The following LRRC42 variants were observed in gnomAD, a reference collection of about 807,000 sequenced individuals.
The protein encoded by LRRC42 is leucine rich repeat containing 42.
A neutral mutation model predicts 44.3 loss-of-function variants in LRRC42; 43 were observed. The ratio of observed to expected loss-of-function variants is 0.97; its 90% CI spans 0.76 to 1.25. The LOEUF (loss-of-function observed/expected upper bound fraction) is 1.25, where lower values mean the gene tolerates loss of function less well. LRRC42 is among the 50% of genes most tolerant of loss of function. The pLI is 0.00. For missense variants in LRRC42, 540 were observed against 509.1 expected (o/e 1.06, Z -0.58); for synonymous variants, 207 against 195.2 (o/e 1.06, Z -0.50).
At chr1:53,960,301 C>G in intron 4 of LRRC42, 55 bp from the exon 5 acceptor site, 1 of 1,188,058 alleles carries the variant, frequency 8.4e-7, no homozygotes, top group South Asian at 1.3e-5. Flanking sequence ...GTTTTTATAC[C>G]TAGATTGTCT....
rs758343591 is a variant in LRRC42 at position 53,967,726 on chromosome 1, C to T, written c.1074C>T (p.Asn358=). 1.9e-6 allele frequency: 3 copies of T among 1,614,194 alleles called. No individual in the cohort carries two copies. Among genetic ancestry groups the T allele is most frequent in the Middle Eastern group, 1.6e-4 (1 of 6,062 alleles). ...LKCPLADTHM[N]SSEKLQFYKE... The stretch of plus-strand genomic sequence containing the variant: ...GTCCCCTGGCAGACACCCACATGAA[C>T]TCTTCCGAGAAACTCCAGTTCTATA... Residue 358 remains asparagine (N), a synonymous_variant, in exon 9 of 9, where the codon AAC becomes AAT. Coordinates refer to ENST00000371370, the MANE Select transcript of LRRC42 (RefSeq NM_001256409.2).
At chr1:53,954,535 A>G (rs1197786027) in intron 3 of LRRC42, among the ~76,000 whole-genome samples, 2 of 152,226 alleles carry the variant, frequency 1.3e-5, no homozygotes, top group Admixed American at 6.5e-5. Context: ...AATACATGCT[A>G]TTTGGGGAAT....
At chr1:53,955,214 T>C (rs1654803097) in intron 3 of LRRC42, among the ~76,000 whole-genome samples, 1 of 152,182 alleles carries the variant, frequency 6.6e-6, no homozygotes, top group Non-Finnish European at 1.5e-5. Context: ...CTATATTTTC[T>C]TAATTTTTTT....
chr1:53,959,550 T>C (rs565659574), intron 4 of LRRC42, among the ~76,000 whole-genome samples: 1 of 152,346 alleles, frequency 6.6e-6, no homozygotes. Context: ...AGATTTCTTA[T>C]GTGAAAACGG....
Position 53,967,792 on chromosome 1 carries a change from C to T in LRRC42, c.1140C>T (p.His380=), listed in dbSNP as rs145151431. Residue 380 remains histidine (H), a synonymous_variant, in exon 9 of 9, where the codon CAC becomes CAT. Coordinates refer to ENST00000371370, the MANE Select transcript of LRRC42 (RefSeq NM_001256409.2). ...APDCHGPVLK[H]EAISSQESKK... is the part of the protein sequence containing the mutation. ...ATTGCCATGGGCCAGTGTTGAAACA[C>T]GAAGCTATCTCAAGCCAGGAGTCAA... 578 of 1,614,146 alleles carry T rather than the reference C, an allele frequency of 3.6e-4. No homozygotes were observed. Among genetic ancestry groups the T allele is most frequent in the Non-Finnish European group, 4.6e-4 (543 of 1,180,022 alleles).
At chr1:53,956,673 A>G (rs1000499240) in intron 3 of LRRC42, among the ~76,000 whole-genome samples, 1 of 152,220 alleles carries the variant, frequency 6.6e-6, no homozygotes, top group Non-Finnish European at 1.5e-5. Flanking sequence ...AGCTTTGATT[A>G]TGTCCTAGAT....
At chr1:53,960,604 T>A in intron 5 of LRRC42, 130 bp downstream of exon 5, 1 of 684,352 alleles carries the variant, frequency 1.5e-6, no homozygotes, top group East Asian at 2.8e-5. Context: ...AGAAACTTGG[T>A]GGCAGAACAG....
chr1:53,960,517 A>G (rs773561345), intron 5 of LRRC42, 43 bp downstream of exon 5: 3 of 1,391,264 alleles, frequency 2.2e-6, no homozygotes, highest in Non-Finnish European at 1.0e-6. Flanking sequence ...ATGTTGGAAG[A>G]ATGGCCTTAG....
rs1553162421 is a variant in LRRC42 at position 53,962,401 on chromosome 1, G to C, written c.919G>C (p.Ala307Pro). ...DHSNCKTEGW[A>P]DQIVLQWERV... ...TAGTAACTGCAAGACAGAGGGCTGGGCTGACCAGGTACTCCAGATTTTTCT... is the reference window on the plus strand; with the variant it reads ...TAGTAACTGCAAGACAGAGGGCTGGCCTGACCAGGTACTCCAGATTTTTCT... Residue 307 changes from alanine to proline, a missense_variant, in exon 7 of 9, where the codon GCT (alanine) becomes CCT (proline). Ala to Pro is a conservative substitution (Grantham distance 27). Transcript: ENST00000371370. 1.2e-6 allele frequency: 2 copies of C among 1,608,526 alleles called. No individual in the cohort carries two copies. The highest frequency in any genetic ancestry group is 8.5e-7 in the Non-Finnish European group (1 of 1,174,962).
chr1:53,953,358 A>AT lies in LRRC42; in HGVS notation c.473+895dup, dbSNP rs974799201. Among the ~76,000 whole-genome samples, 46 of 151,722 alleles carry AT rather than the reference A, an allele frequency of 3.0e-4. No individual in the cohort carries two copies. In the East Asian group the frequency reaches 4.3e-3, roughly 14 times the overall value. On this transcript the variant is annotated intron_variant, in intron 3 of 8. Transcript: ENST00000371370. ...AATCATTTATCATCAATACTTGTAG[A>AT]TTTTTTTTTGTTTTTTTTGAGACAG...
intron 5 of LRRC42, among the ~76,000 whole-genome samples, chr1:53,960,880 A>G (rs547059300): frequency 6.6e-6 from 1 of 152,334 alleles, no homozygotes; most frequent in South Asian, 2.1e-4. Context: ...TAATTTACTC[A>G]GATTAACCAG....
intron 7 of LRRC42, among the ~76,000 whole-genome samples, chr1:53,965,484 C>CTT (rs1191040913): frequency 2.1e-5 from 3 of 140,554 alleles, no homozygotes; most frequent in Admixed American, 7.1e-5. Flanking sequence ...TTTTTCTTTT[C>CTT]TTTTTTTTTT....
In LRRC42 at chr1:53,964,995, A is replaced by ATTTTTTTTTTT. The variant is rs1557649612; in HGVS notation, c.928-1299_928-1298insTTTTTTTTTTT. On this transcript the variant is annotated intron_variant, in intron 7 of 8. Coordinates refer to ENST00000371370, the MANE Select transcript of LRRC42 (RefSeq NM_001256409.2). ...GCCACTGTGCCTGGCCTGGAACTGT[A>ATTTTTTTTTTT]TTGTTTTTTTTTGTTTTTTTTTTTT... 9.3e-4 allele frequency among the ~76,000 whole-genome samples: 128 copies of ATTTTTTTTTTT among 137,660 alleles called. 1 individual carries two copies. The highest frequency in any genetic ancestry group is 3.8e-3 in the African/African-American group (125 of 32,754). 90.3% of individuals were successfully genotyped at this position (137,660 alleles called of 152,430 possible).
intron 3 of LRRC42, among the ~76,000 whole-genome samples, chr1:53,954,476 G>A (rs923682946): frequency 1.3e-5 from 2 of 152,134 alleles, no homozygotes; most frequent in Admixed American, 6.6e-5. Context: ...AGAAAAGTTA[G>A]AACAATGGCA....
rs1655020951 is a variant in LRRC42, at chr1:53,962,375, A to G, written c.893A>G (p.His298Arg). ...AAAGTGCCTTTGAAGGAATTTGATC[A>G]TAGTAACTGCAAGACAGAGGGCTGG... ...HSKVPLKEFD[H>R]SNCKTEGWAD... is the part of the protein sequence containing the mutation. Residue 298 changes from histidine to arginine, a missense_variant, in exon 7 of 9, where the codon CAT becomes CGT. Coordinates refer to ENST00000371370, the MANE Select transcript of LRRC42 (RefSeq NM_001256409.2). The G allele has an allele frequency of 6.2e-7, 1 of 1,613,986 alleles. No individual in the cohort carries two copies. Among genetic ancestry groups the G allele is most frequent in the Non-Finnish European group, 8.5e-7 (1 of 1,179,790 alleles).
In LRRC42 at chr1:53,967,827, A is replaced by G; in HGVS notation, c.1175A>G (p.Lys392Arg). ...TCAAGCCAGGAGTCAAAGAAGAGCAAGAAGAGACCTTTTGAGGAGTCAGAG... is the reference window on the plus strand; with the variant it reads ...TCAAGCCAGGAGTCAAAGAAGAGCAGGAAGAGACCTTTTGAGGAGTCAGAG... ...AISSQESKKS[K>R]KRPFEESETE... The change falls in exon 9 of 9, where the codon AAG becomes AGG. Residue 392 changes from lysine to arginine, a missense_variant. Lys to Arg is a conservative substitution (Grantham distance 26, BLOSUM62 2). Coordinates refer to ENST00000371370, the MANE Select transcript of LRRC42 (RefSeq NM_001256409.2). 1 of 1,614,238 alleles carries G rather than the reference A, an allele frequency of 6.2e-7. No homozygotes were observed. Among genetic ancestry groups the G allele is most frequent in the Non-Finnish European group, 8.5e-7 (1 of 1,180,044 alleles).
At chr1:53,963,386 C>T (rs1206854421) in intron 7 of LRRC42, among the ~76,000 whole-genome samples, 2 of 152,158 alleles carry the variant, frequency 1.3e-5, no homozygotes, top group Non-Finnish European at 2.9e-5. Context: ...AGGCTTGCTG[C>T]AGTTTGGTAG....
chr1:53,960,537 A>G, intron 5 of LRRC42, 63 bp downstream of exon 5: 2 of 1,174,752 alleles, frequency 1.7e-6, no homozygotes, highest in Non-Finnish European at 2.5e-6. Flanking sequence ...GAGATCATGT[A>G]GTTCTTCCTC....
intron 3 of LRRC42, among the ~76,000 whole-genome samples, chr1:53,957,195 A>C (rs1387399241): frequency 1.3e-5 from 2 of 152,042 alleles, no homozygotes; most frequent in Non-Finnish European, 2.9e-5. Context: ...AGAGGTATGT[A>C]CTCTTTTAGG....
Sources: allele counts gnomAD v4.1 joint callset (sites outside exome capture counted in the v4.1 genomes callset), GRCh38; gene constraint gnomAD v4.1.1; transcripts MANE v1.5; gene names NCBI Gene and HGNC (gene_info 2026-07-23, HGNC 2026-07-21).